The following TMEM232 variants were observed in gnomAD, a reference collection of about 807,000 sequenced individuals.
TMEM232 encodes transmembrane protein 232.
A neutral mutation model predicts 78.8 loss-of-function variants in TMEM232; 80 were observed. The ratio of observed to expected loss-of-function variants is 1.01; its 90% CI spans 0.85 to 1.22. The LOEUF (loss-of-function observed/expected upper bound fraction) is 1.22, where lower values mean the gene tolerates loss of function less well. Ranked by LOEUF, TMEM232 falls within the 50% of genes most tolerant of loss-of-function variation. The probability of loss-of-function intolerance (pLI) is 0.00; values close to 1 mark genes in which losing one functional copy is unlikely to be tolerated. For synonymous variants in TMEM232, 297 were observed against 254.3 expected, an observed-to-expected ratio of 1.17 and a Z score of -1.60; for missense variants, 881 against 742.2, an observed-to-expected ratio of 1.19 and a Z score of -2.17.
intron 3 of TMEM232, among the ~76,000 whole-genome samples, chr5:110,397,408 G>A (rs1039565754): frequency 6.6e-6 from 1 of 152,144 alleles, no homozygotes; most frequent in Non-Finnish European, 1.5e-5. Context: ...CCTATGTAGG[G>A]AGCAAAGAGA....
chr5:110,676,388 A>T (rs1792026650), intron 1 of TMEM232, among the ~76,000 whole-genome samples: 1 of 149,836 alleles, frequency 6.7e-6, no homozygotes, highest in Non-Finnish European at 1.5e-5. Context: ...AGTAGTGTAC[A>T]GGGTTCCCTT....
At position 110,525,205 on chromosome 5, in the gene TMEM232, A is replaced by G. The variant is rs115822872; in HGVS notation, c.1703+3383T>C. Among the ~76,000 whole-genome samples the G allele has an allele frequency of 8.6e-3, 1,300 of 151,954 alleles. 12 individuals are homozygous for G. Among genetic ancestry groups the G allele is most frequent in the Admixed American group, 0.017 (260 of 15,270 alleles). On this transcript the variant is annotated intron_variant, in intron 12 of 13. Coordinates refer to ENST00000455884, the MANE Select transcript of TMEM232 (RefSeq NM_001039763.4). ...AGCCCATCCTCACTATTTTTAATCA[A>G]TATTTTACTAGGCATACTCAGCTGA...
At chr5:110,616,996 T>C (rs1019365414) in intron 8 of TMEM232, among the ~76,000 whole-genome samples, 4 of 152,198 alleles carry the variant, frequency 2.6e-5, no homozygotes, top group Non-Finnish European at 5.9e-5. Context: ...GCAGCATTAT[T>C]CACAATAGCC....
intron 5 of TMEM232, among the ~76,000 whole-genome samples, chr5:110,637,684 T>C (rs1786057502): frequency 6.6e-6 from 1 of 151,988 alleles, no homozygotes; most frequent in Admixed American, 6.6e-5. Context: ...TAATATATTT[T>C]ACAGCAGTCA....
chr5:110,432,986 CACTT>C (rs1362346236), intron 12 of TMEM232, among the ~76,000 whole-genome samples: 1 of 151,764 alleles, frequency 6.6e-6, no homozygotes, highest in African/African-American at 2.4e-5. Flanking sequence ...CTTTATAAAA[CACTT>C]ACTTCTAGCC....
intron 12 of TMEM232, among the ~76,000 whole-genome samples, chr5:110,457,000 T>C (rs1237670103): frequency 6.6e-6 from 1 of 152,124 alleles, no homozygotes; most frequent in Non-Finnish European, 1.5e-5. Context: ...CATGACTTAT[T>C]ACATTTTTAA....
intron 2 of TMEM232, among the ~76,000 whole-genome samples, chr5:110,650,823 T>C (rs150049093): frequency 9.2e-5 from 14 of 152,210 alleles, no homozygotes; most frequent in Admixed American, 5.2e-4. Context: ...TGGCCCTTAA[T>C]AGTCATGTAT....
At chr5:110,651,229 C>A (rs748753886) in intron 2 of TMEM232, among the ~76,000 whole-genome samples, 5 of 152,066 alleles carry the variant, frequency 3.3e-5, no homozygotes, top group Non-Finnish European at 7.4e-5. Flanking sequence ...CATATATCAA[C>A]ATGGTGTTTT....
intron 1 of TMEM232, among the ~76,000 whole-genome samples, chr5:110,710,826 G>A (rs1431948958): frequency 6.6e-6 from 1 of 152,024 alleles, no homozygotes; most frequent in Non-Finnish European, 1.5e-5. Context: ...GGGAAAAATG[G>A]AAACAGCCTT....
chr5:110,686,234 T>C (rs1045518746), intron 1 of TMEM232, among the ~76,000 whole-genome samples: 36 of 152,038 alleles, frequency 2.4e-4, no homozygotes, highest in African/African-American at 8.7e-4. Flanking sequence ...AGTGACACTC[T>C]AGGACTTCAG....
rs544041424 is a variant in TMEM232 at position 110,439,242 on chromosome 5, G to A, written c.1704-14326C>T. ...AATCTAACACTGAAACAGTTTCCTT[G>A]GCTACTTTTTAAAGGGAAGTTAGTA... On this transcript the variant is annotated intron_variant, in intron 12 of 13. Coordinates refer to ENST00000455884, the MANE Select transcript of TMEM232 (RefSeq NM_001039763.4). Among the ~76,000 whole-genome samples the A allele has an allele frequency of 4.6e-5, 7 of 152,106 alleles. No homozygotes were observed. The South Asian group carries it at 1.5e-3, about 32-fold the overall frequency.
chr5:110,425,765 C>T (rs902709671), intron 12 of TMEM232, among the ~76,000 whole-genome samples: 7 of 152,096 alleles, frequency 4.6e-5, no homozygotes, highest in Admixed American at 3.3e-4. Flanking sequence ...TGGATGAAGG[C>T]TTCATGTTCA....
At chr5:110,661,197 G>T (rs1372909716) in intron 2 of TMEM232, among the ~76,000 whole-genome samples, 2 of 152,100 alleles carry the variant, frequency 1.3e-5, no homozygotes, top group African/African-American at 4.8e-5. Context: ...ATATTCCATT[G>T]TGTATATATA....
At chr5:110,728,162 T>C (rs1477184994), upstream of TMEM232, among the ~76,000 whole-genome samples, 2 of 151,934 alleles carry the variant, frequency 1.3e-5, no homozygotes, top group Non-Finnish European at 2.9e-5. Flanking sequence ...AGTCACCCCA[T>C]CGATTCTACA....
At chr5:110,633,880 C>T (rs577594017) in intron 5 of TMEM232, among the ~76,000 whole-genome samples, 3 of 152,028 alleles carry the variant, frequency 2.0e-5, no homozygotes, top group Non-Finnish European at 4.4e-5. Flanking sequence ...AGAATAAATT[C>T]TTCACTTAAA....
intron 2 of TMEM232, among the ~76,000 whole-genome samples, chr5:110,662,836 ATT>A (rs1412701308): frequency 3.9e-5 from 6 of 152,158 alleles, no homozygotes; most frequent in Non-Finnish European, 8.8e-5. Context: ...TTCCACATAG[ATT>A]ATAGACATGA....
intron 1 of TMEM232, among the ~76,000 whole-genome samples, chr5:110,670,265 A>T (rs1202741970): frequency 6.6e-6 from 1 of 152,242 alleles, no homozygotes; most frequent in Non-Finnish European, 1.5e-5. Flanking sequence ...CCTTAAGCTG[A>T]TAAGTAACTT....
At chr5:110,451,594 T>G (rs1760285165) in intron 12 of TMEM232, among the ~76,000 whole-genome samples, 1 of 152,166 alleles carries the variant, frequency 6.6e-6, no homozygotes, top group South Asian at 2.1e-4. Context: ...ATTTTGTTTA[T>G]ACTATTCCTA....
chr5:110,733,261 C>A (rs976239915), intron 2 of TMEM232, among the ~76,000 whole-genome samples: 6 of 152,164 alleles, frequency 3.9e-5, no homozygotes, highest in African/African-American at 1.4e-4. Flanking sequence ...TAAATTAGTT[C>A]AACCACTGTG....
Sources: gnomAD v4.1 joint callset for allele counts (sites outside exome capture counted in the v4.1 genomes callset) on GRCh38, gnomAD v4.1.1 for gene constraint, MANE v1.5 for transcripts, NCBI Gene and HGNC (gene_info 2026-07-23, HGNC 2026-07-21) for gene names.